The following SSB variants were observed in gnomAD, a reference collection of about 807,000 sequenced individuals.
SSB encodes lupus La protein.
SSB carries 17 observed loss-of-function variants against 52.9 expected under a neutral mutation model. The ratio of observed to expected loss-of-function variants is 0.32; its 90% confidence interval spans 0.22 to 0.48. The LOEUF is 0.48. SSB is among the 20% of genes least tolerant of loss of function. The pLI, the probability that SSB is intolerant of heterozygous loss-of-function variation, is 0.99. For synonymous variants in SSB, 111 were observed against 152.1 expected (o/e 0.73, Z 1.99); for missense variants, 314 against 463.6 (o/e 0.68, Z 2.96).
At chr2:169,801,199 A>T (rs1689705463) in intron 2 of SSB, among the ~76,000 whole-genome samples, 173 bp downstream of exon 2, 1 of 152,230 alleles carries the variant, frequency 6.6e-6, no homozygotes, top group Non-Finnish European at 1.5e-5. Flanking sequence ...GAAACTTAAG[A>T]TGTACAAACA....
chr2:169,806,007 G>T (rs1262035251), intron 4 of SSB, 168 bp downstream of exon 4: 2 of 756,032 alleles, frequency 2.6e-6, no homozygotes, highest in Non-Finnish European at 4.4e-6. Flanking sequence ...GTCTCATCCT[G>T]TTGCTCACGT....
chr2:169,806,072 G>A (rs181051493), intron 4 of SSB: 1 of 522,764 alleles, frequency 1.9e-6, no homozygotes, highest in Admixed American at 2.6e-5. Context: ...CTGGGCTCAA[G>A]TGATCCTCCC....
chr2:169,810,777 G>GA (rs1319882867), intron 9 of SSB, 81 bp from the exon 10 acceptor site: 12 of 1,409,986 alleles, frequency 8.5e-6, no homozygotes, highest in East Asian at 4.6e-5. Flanking sequence ...TTGCAGGGTA[G>GA]AAAAAATTAC....
rs566330641 is a variant in SSB at position 169,803,230 on chromosome 2, AT to A, written c.66+2214del. Among the ~76,000 whole-genome samples the A allele has an allele frequency of 2.2e-4, 33 of 149,090 alleles. No homozygotes were observed. The East Asian group carries it at 4.1e-3, about 19-fold the overall frequency. ...TTGATTAACAATGAAATGAGGTTGG[AT>A]TTTTTTTTTAGTTTACAGTACATTA... On this transcript the variant is annotated intron_variant, in intron 2 of 11. Coordinates refer to ENST00000260956, the MANE Select transcript of SSB (RefSeq NM_003142.5).
intron 6 of SSB, among the ~76,000 whole-genome samples, chr2:169,807,760 T>TTTTTTTTTA (rs1553482596): frequency 1.5e-5 from 2 of 132,480 alleles, no homozygotes; most frequent in East Asian, 2.3e-4. Context: ...TTTTTTTTTT[T>TTTTTTTTTA]ACAGTACAAA....
At chr2:169,803,481 C>T (rs932519912) in intron 2 of SSB, among the ~76,000 whole-genome samples, 16 of 152,180 alleles carry the variant, frequency 1.1e-4, no homozygotes, top group Non-Finnish European at 1.9e-4. Flanking sequence ...AACTCCTGAC[C>T]TCGGGTGATC....
intron 9 of SSB, 114 bp downstream of exon 9, chr2:169,810,537 GATC>G (rs1219670912): frequency 1.6e-5 from 16 of 1,026,916 alleles, no homozygotes; most frequent in Non-Finnish European, 2.3e-5. Context: ...GTTTCTACTT[GATC>G]ATTTGTTATT....
In SSB at chr2:169,805,467, C is replaced by G; in HGVS notation, c.67-7C>G. ...GTGTTCTGAAATACATTGTAATTAT[C>G]TCACAGTATTATTTTGGCGACTTCA... On this transcript the variant is annotated splice_polypyrimidine_tract_variant and splice_region_variant and intron_variant, in intron 2 of 11. Transcript: ENST00000260956. The G allele has an allele frequency of 6.3e-7, 1 of 1,594,146 alleles. No individual in the cohort carries two copies. Among genetic ancestry groups the G allele is most frequent in the Non-Finnish European group, 8.6e-7 (1 of 1,163,354 alleles).
At chr2:169,810,558 G>T in intron 9 of SSB, 135 bp downstream of exon 9, 2 of 815,566 alleles carry the variant, frequency 2.5e-6, no homozygotes, top group Middle Eastern at 3.0e-4. Context: ...ATTGCCACTA[G>T]ATGTGATGTC....
At position 169,810,467 on chromosome 2, in the gene SSB, C is replaced by T; in HGVS notation, c.810+44C>T. The T allele has an allele frequency of 2.6e-6, 4 of 1,538,332 alleles. No homozygotes were observed. In the South Asian group the frequency reaches 5.1e-5, roughly 20 times the overall value. On this transcript the variant is annotated intron_variant, in intron 9 of 11. Transcript: ENST00000260956. ...CCTTTTTAGCAATCAGTTTGAAAAT[C>T]TGTAGAAACTTAGACAAAATTAGTA... is the stretch of plus-strand genomic sequence containing the variant.
rs3096753 is a variant in SSB at position 169,804,983 on chromosome 2, C to T, written c.67-491C>T. ...GTCTCTACTAAAAATAACAAAAATTCGCTGGGCGTGGTGGTACATGCCTGT... is the reference window on the plus strand; with the variant it reads ...GTCTCTACTAAAAATAACAAAAATTTGCTGGGCGTGGTGGTACATGCCTGT... On this transcript the variant is annotated intron_variant, in intron 2 of 11. Transcript: ENST00000260956. 2.8e-3 allele frequency among the ~76,000 whole-genome samples: 426 copies of T among 152,022 alleles called. 1 individual carries two copies. The highest frequency in any genetic ancestry group is 4.0e-3 in the Non-Finnish European group (272 of 67,970).
At chr2:169,806,264 C>A (rs779058985) in intron 4 of SSB, among the ~76,000 whole-genome samples, 2 of 152,144 alleles carry the variant, frequency 1.3e-5, no homozygotes, top group Non-Finnish European at 2.9e-5. Flanking sequence ...CATGCCTAGT[C>A]CTAAGTTTTA....
chr2:169,805,091 C>T (rs922591811), intron 2 of SSB, among the ~76,000 whole-genome samples: 63 of 152,066 alleles, frequency 4.1e-4, no homozygotes, highest in African/African-American at 1.5e-3. Context: ...GTTCATGCCA[C>T]TGCACTCCAG....
chr2:169,811,402 AG>A, intron 11 of SSB, 79 bp downstream of exon 11: 2 of 1,455,574 alleles, frequency 1.4e-6, no homozygotes, highest in Non-Finnish European at 1.8e-6. Context: ...CAGAGAGAAT[AG>A]GGATTTGGCT....
In SSB at chr2:169,808,498, A is replaced by G; in HGVS notation, c.571A>G (p.Lys191Glu). Residue 191 changes from lysine (K) to glutamate (E), a missense_variant, in exon 7 of 12, where the codon AAA (lysine) becomes GAA (glutamate). Coordinates refer to ENST00000260956, the MANE Select transcript of SSB (RefSeq NM_003142.5). ...GTTCTTTAGGGACGATTACTTTGCC[A>G]AAAAAAATGAAGAAAGAAAACAAAA... is the stretch of plus-strand genomic sequence containing the variant. The part of the protein sequence containing the change: ...LILFKDDYFA[K>E]KNEERKQNKV... The G allele has an allele frequency of 6.3e-7, 1 of 1,594,846 alleles. No individual in the cohort carries two copies. Among genetic ancestry groups the G allele is most frequent in the Non-Finnish European group, 8.6e-7 (1 of 1,166,068 alleles).
Position 169,806,951 on chromosome 2 carries a change from AT to A in SSB, c.454-16del. ...TATATGGGACATAACTTAAAAAAAT[AT>A]TTTCCTTCCTTTTTACAGGGATCAA... On this transcript the variant is annotated intron_variant, in intron 5 of 11. Coordinates refer to ENST00000260956, the MANE Select transcript of SSB (RefSeq NM_003142.5). 1.9e-6 allele frequency: 3 copies of A among 1,611,018 alleles called. No homozygotes were observed. Among genetic ancestry groups the A allele is most frequent in the Non-Finnish European group, 8.5e-7 (1 of 1,178,904 alleles).
At chr2:169,803,135 G>T (rs1689746125) in intron 2 of SSB, among the ~76,000 whole-genome samples, 1 of 152,018 alleles carries the variant, frequency 6.6e-6, no homozygotes, top group Admixed American at 6.5e-5. Flanking sequence ...AGGTAGTCTT[G>T]GTTTTCTTTC....
In SSB at chr2:169,811,869, G is replaced by C. The variant is rs1206049600; in HGVS notation, c.*113G>C. 4.3e-6 allele frequency: 7 copies of C among 1,611,522 alleles called. No individual in the cohort carries two copies. The East Asian group carries it at 6.7e-5, about 15-fold the overall frequency. ...CACTTCAATGTCCACCTGTGAGAAAGGAAAAATTTTTTTGTTGTTTAACTT... is the reference window on the plus strand; with the variant it reads ...CACTTCAATGTCCACCTGTGAGAAACGAAAAATTTTTTTGTTGTTTAACTT... On this transcript the variant is annotated 3_prime_UTR_variant, in exon 12 of 12. Transcript: ENST00000260956.
chr2:169,808,991 G>GT (rs1689888002), intron 8 of SSB, 89 bp downstream of exon 8: 4 of 1,037,502 alleles, frequency 3.9e-6, no homozygotes, highest in Middle Eastern at 2.0e-4. Flanking sequence ...AAGAAAATAC[G>GT]TAAGCAAAGC....
Sources: gnomAD v4.1 joint callset for allele counts (sites outside exome capture counted in the v4.1 genomes callset) on GRCh38, gnomAD v4.1.1 for gene constraint, MANE v1.5 for transcripts, NCBI Gene and HGNC (gene_info 2026-07-23, HGNC 2026-07-21) for gene names.